Variants in NLRC3 observed in about 807,000 individuals in gnomAD.
NLRC3 encodes the protein NLR family CARD domain containing 3.
Under a neutral mutation model 91.6 loss-of-function variants are expected in NLRC3, and 87 were observed. That is an observed-to-expected ratio of 0.95 (90% CI 0.80 to 1.14). NLRC3 has a LOEUF of 1.14. Among genes scored for constraint, NLRC3 ranks in the 50% most tolerant of loss-of-function variants. NLRC3 has a pLI of 0.00. For synonymous variants in NLRC3, 694 were observed against 625.3 expected (o/e 1.11, Z -1.64); for missense variants, 1,577 against 1,418.6 (o/e 1.11, Z -1.79).
chr16:3,565,816 T>C (rs946976027), intron 2 of NLRC3, among the ~76,000 whole-genome samples: 4 of 152,052 alleles, frequency 2.6e-5, no homozygotes, highest in Non-Finnish European at 5.9e-5. Context: ...CCTGAGGTGA[T>C]GGATCGCTTG....
intron 1 of NLRC3, among the ~76,000 whole-genome samples, chr16:3,570,649 A>C (rs1303827807): frequency 2.6e-5 from 4 of 152,106 alleles, no homozygotes; most frequent in Non-Finnish European, 5.9e-5. Context: ...AGAAAAAGCT[A>C]CCTAGGAGTA....
rs771388702 is a variant in NLRC3 at position 3,541,821 on chromosome 16, A to T, written c.*4T>A. On this transcript the variant is annotated 3_prime_UTR_variant, in exon 20 of 20. Transcript: ENST00000359128. Reference sequence around the variant, plus strand: ...TGCCCATTCTCCTGATCCGTCCACCAGGATCACATTTCAACAGTGCACGTG... The same window carrying T: ...TGCCCATTCTCCTGATCCGTCCACCTGGATCACATTTCAACAGTGCACGTG... 1.3e-6 allele frequency: 2 copies of T among 1,591,346 alleles called. No homozygotes were observed. Among genetic ancestry groups the T allele is most frequent in the African/African-American group, 2.7e-5 (2 of 74,504 alleles).
intron 13 of NLRC3, 81 bp from the exon 14 acceptor site, chr16:3,548,834 C>T (rs1025225755): frequency 2.0e-6 from 2 of 985,926 alleles, no homozygotes; most frequent in African/African-American, 1.6e-5. Context: ...GATTCCAGGG[C>T]TTGATACCAG....
intron 16 of NLRC3, 60 bp downstream of exon 16, chr16:3,544,181 ACCTCT>A: frequency 1.1e-6 from 1 of 872,496 alleles, no homozygotes; most frequent in Non-Finnish European, 1.8e-6. Context: ...AAAAAAAAAG[ACCTCT>A]AACGTGAAAG....
intron 1 of NLRC3, among the ~76,000 whole-genome samples, chr16:3,572,524 G>A (rs549662749): frequency 7.2e-5 from 11 of 152,148 alleles, no homozygotes; most frequent in Non-Finnish European, 1.5e-4. Context: ...CTGGGGTCAA[G>A]CAATCTTCCC....
At chr16:3,572,410 C>T (rs973152543) in intron 1 of NLRC3, among the ~76,000 whole-genome samples, 2 of 152,028 alleles carry the variant, frequency 1.3e-5, no homozygotes, top group African/African-American at 4.8e-5. Context: ...AAGTGATCCT[C>T]CAAAGTAGCT....
intron 16 of NLRC3, 24 bp downstream of exon 16, chr16:3,544,222 C>A: frequency 1.4e-6 from 2 of 1,401,822 alleles, no homozygotes; most frequent in South Asian, 1.2e-5. Context: ...GGTTTCCTGA[C>A]TGCTGCGCAC....
At chr16:3,568,000 G>A (rs909550150) in intron 1 of NLRC3, among the ~76,000 whole-genome samples, 1 of 151,542 alleles carries the variant, frequency 6.6e-6, no homozygotes, top group Non-Finnish European at 1.5e-5. Context: ...CAAGTATCTG[G>A]GATTACAGGC....
chr16:3,569,395 T>TATATATATATATATATATATA (rs1491362144), intron 1 of NLRC3, among the ~76,000 whole-genome samples: 4 of 47,752 alleles, frequency 8.4e-5, no homozygotes, highest in African/African-American at 3.0e-4. Context: ...TATATATATA[T>TATATATATATATATATATATA]TATTTTTTTT....
At position 3,564,842 on chromosome 16, in the gene NLRC3, TC is replaced by T. The variant is rs1206321873; in HGVS notation, c.178+16del. Reference sequence around the variant, plus strand: ...AGGTGTTCCCCACCCCGCGTCTGCCTCCCAAGCCGGTCCTACCATTGCTGCA... The same window carrying T: ...AGGTGTTCCCCACCCCGCGTCTGCCTCCAAGCCGGTCCTACCATTGCTGCA... On this transcript the variant is annotated intron_variant, in intron 4 of 19. Coordinates refer to ENST00000359128, the MANE Select transcript of NLRC3 (RefSeq NM_178844.4). This position sits in a 1 kb window ranked among gnomAD's most constrained non-coding sequence, Gnocchi z 5.9. 6.3e-7 allele frequency: 1 copy of T among 1,593,134 alleles called. No individual in the cohort carries two copies. The highest frequency in any genetic ancestry group is 2.2e-5 in the East Asian group (1 of 44,554).
intron 12 of NLRC3, 38 bp from the exon 13 acceptor site, chr16:3,549,263 A>C (rs753594973): frequency 1.4e-6 from 2 of 1,461,878 alleles, no homozygotes; most frequent in Admixed American, 2.0e-5. Context: ...CTGACCGGGC[A>C]GATGAGGTGT....
In NLRC3 at chr16:3,577,369, G is replaced by C; in HGVS notation, c.-389C>G. On this transcript the variant is annotated 5_prime_UTR_variant, in exon 1 of 20. Transcript: ENST00000359128. ...AGCAGTGCAGCCCCGACCTTCTGCA[G>C]CCCCACCGAGCCCACCGGCTGTCCC... 1 of 577,682 alleles carries C rather than the reference G, an allele frequency of 1.7e-6. No individual in the cohort carries two copies. The highest frequency in any genetic ancestry group is 3.1e-6 in the Non-Finnish European group (1 of 324,968). The allele number at this position is 577,682 out of a possible 1,614,324, so 35.8% of individuals were successfully genotyped here.
chr16:3,564,081 T>A lies in NLRC3; in HGVS notation c.856A>T (p.Ile286Phe). 2 of 1,613,426 alleles carry A rather than the reference T, an allele frequency of 1.2e-6. No individual in the cohort carries two copies. The highest frequency in any genetic ancestry group is 1.7e-6 in the Non-Finnish European group (2 of 1,179,874). ...ATCTCCTCCTCGTTAAAGCCCCGGA[T>A]CTCCGTCATCCGGTCCACCAGGCCC... ...PGGLVDRMTE[I>F]RGFNEEEIKV... Residue 286 changes from isoleucine (I) to phenylalanine (F), a missense_variant, in exon 5 of 20, where the codon ATC becomes TTC. Transcript: ENST00000359128. This position sits in a 1 kb window ranked among gnomAD's most constrained non-coding sequence, Gnocchi z 5.9.
chr16:3,565,148 A>G (rs1180650199), intron 3 of NLRC3, 88 bp from the exon 4 acceptor site: 3 of 991,964 alleles, frequency 3.0e-6, no homozygotes, highest in Admixed American at 2.1e-5. Flanking sequence ...GAACGGGGTC[A>G]GGGATCCCCT....
intron 6 of NLRC3, among the ~76,000 whole-genome samples, chr16:3,558,201 G>A (rs2039440468): frequency 6.6e-6 from 1 of 151,786 alleles, no homozygotes; most frequent in Non-Finnish European, 1.5e-5. Flanking sequence ...AATTAGTCAG[G>A]TGGCGCACCT....
intron 15 of NLRC3, among the ~76,000 whole-genome samples, chr16:3,547,150 C>T (rs2038733084): frequency 6.6e-6 from 1 of 152,180 alleles, no homozygotes; most frequent in Admixed American, 6.6e-5. Context: ...AACCCAACGT[C>T]CGTCAGCTGA....
Position 3,563,569 on chromosome 16 carries a change from C to T in NLRC3, c.1368G>A (p.Leu456=), listed in dbSNP as rs367996033. The T allele has an allele frequency of 6.2e-7, 1 of 1,612,482 alleles. No homozygotes were observed. Among genetic ancestry groups the T allele is most frequent in the South Asian group, 1.1e-5 (1 of 90,812 alleles). ...CGGCTGCCACAAACTCCTGCAGGGACAGGTGGGTGAAGCAGTAGGCCACTG... is the reference window on the plus strand; with the variant it reads ...CGGCTGCCACAAACTCCTGCAGGGATAGGTGGGTGAAGCAGTAGGCCACTG... ...ASSVAYCFTH[L]SLQEFVAAAY... Residue 456 remains leucine, a synonymous_variant, in exon 5 of 20, where the codon CTG becomes CTA. Transcript: ENST00000359128.
chr16:3,576,455 C>T (rs2040297051), intron 1 of NLRC3, among the ~76,000 whole-genome samples: 1 of 152,152 alleles, frequency 6.6e-6, no homozygotes, highest in African/African-American at 2.4e-5. Flanking sequence ...GAGAAGTAGC[C>T]TCCCATGGGG....
Position 3,541,826 on chromosome 16 carries a change from C to T in NLRC3, c.3197G>A (p.Ter1066=), listed in dbSNP as rs775001927. 3.1e-6 allele frequency: 5 copies of T among 1,602,282 alleles called. No homozygotes were observed. Among genetic ancestry groups the T allele is most frequent in the Non-Finnish European group, 4.3e-6 (5 of 1,169,966 alleles). ...TNAPTCTVEM[*] is the part of the protein sequence containing the mutation. ...ATTCTCCTGATCCGTCCACCAGGAT[C>T]ACATTTCAACAGTGCACGTGGGAGC... The change falls in exon 20 of 20, where the codon TGA becomes TAA. Residue 1066 remains the stop codon, a stop_retained_variant. Coordinates refer to ENST00000359128, the MANE Select transcript of NLRC3 (RefSeq NM_178844.4).
Sources: gnomAD v4.1 joint callset for allele counts (sites outside exome capture counted in the v4.1 genomes callset) on GRCh38, gnomAD v4.1.1 for gene constraint, Gnocchi (gnomAD v3.1) non-coding constraint, MANE v1.5 for transcripts, NCBI Gene and HGNC (gene_info 2026-07-23, HGNC 2026-07-21) for gene names.